Variants in PNKD observed in about 807,000 individuals in gnomAD.
The protein encoded by PNKD is probable thioesterase PNKD.
In PNKD, 36 loss-of-function variants were observed where a neutral mutation model predicts 45.3. The observed-to-expected ratio is 0.80, with a 90% CI of 0.61 to 1.05. The LOEUF (loss-of-function observed/expected upper bound fraction) is 1.05. Among genes scored for constraint, PNKD ranks in the 50% least tolerant of loss-of-function variants. PNKD has a pLI of 0.00. For synonymous variants in PNKD, 197 were observed against 210.1 expected (o/e 0.94, Z 0.54); for missense variants, 511 against 506.6 (o/e 1.01, Z -0.08).
chr2:218,298,220 C>T (rs950434351), intron 2 of PNKD, among the ~76,000 whole-genome samples: 3 of 152,086 alleles, frequency 2.0e-5, no homozygotes, highest in Non-Finnish European at 2.9e-5. Context: ...GCAGGGCCAG[C>T]GAAATGCTTT....
At chr2:218,280,149 T>A (rs754484658) in intron 2 of PNKD, 38 of 1,568,282 alleles carry the variant, frequency 2.4e-5, no homozygotes, top group Non-Finnish European at 3.3e-5. Flanking sequence ...GACACTTGAC[T>A]CAGCTGGGGA....
rs543051037 is a variant in PNKD at position 218,321,342 on chromosome 2, T to C, written c.237-18441T>C. Among the ~76,000 whole-genome samples the C allele has an allele frequency of 3.9e-5, 6 of 152,230 alleles. No homozygotes were observed. The South Asian group carries it at 1.2e-3, about 32-fold the overall frequency. The stretch of plus-strand genomic sequence containing the variant: ...TACAAGGGTCATCTGCAAATTGGCT[T>C]ATCAGTTTTCTCACTCCTCTGTCTC... On this transcript the variant is annotated intron_variant, in intron 2 of 9. Transcript: ENST00000273077.
chr2:218,278,431 T>C (rs189950312), intron 2 of PNKD: 7 of 1,382,646 alleles, frequency 5.1e-6, no homozygotes, highest in Admixed American at 1.7e-5. Context: ...TCAGCTGCTA[T>C]AAAGGAATCC....
chr2:218,342,102 TCCTGCCTCTTCTCAGGGGA>T lies in PNKD; in HGVS notation c.745_763del (p.Leu249SerfsTer18). ...GGATGGGGAGCCCTACAAGGGTCCC[TCCTGCCTCTTCTCAGGGGA>T]CCTGCTCTTCCTCTCTGGCTGTGGT... On this transcript the variant is annotated frameshift_variant, in exon 7 of 10. Coordinates refer to ENST00000273077, the MANE Select transcript of PNKD (RefSeq NM_015488.5). LOFTEE classifies it high-confidence loss of function. 1 of 1,613,488 alleles carries T rather than the reference TCCTGCCTCTTCTCAGGGGA, an allele frequency of 6.2e-7. No individual in the cohort carries two copies. Among genetic ancestry groups the T allele is most frequent in the Admixed American group, 1.7e-5 (1 of 60,020 alleles).
At chr2:218,331,757 C>T (rs568581301) in intron 2 of PNKD, among the ~76,000 whole-genome samples, 15 of 152,270 alleles carry the variant, frequency 9.9e-5, no homozygotes, top group East Asian at 1.9e-4. Flanking sequence ...CGTGAGCCAC[C>T]GCGCCCAGCC....
At chr2:218,280,223 G>A in intron 2 of PNKD, 1 of 891,388 alleles carries the variant, frequency 1.1e-6, no homozygotes, top group Non-Finnish European at 1.9e-6. Context: ...GGGATCTCCA[G>A]CCAAAAGACA....
At chr2:218,308,322 G>A (rs1354558574) in intron 2 of PNKD, among the ~76,000 whole-genome samples, 1 of 149,302 alleles carries the variant, frequency 6.7e-6, no homozygotes, top group East Asian at 2.0e-4. Context: ...GAGTAGCTGG[G>A]ATGATTCAGG....
chr2:218,335,035 C>G (rs1694446902), intron 2 of PNKD, among the ~76,000 whole-genome samples: 1 of 151,872 alleles, frequency 6.6e-6, no homozygotes, highest in African/African-American at 2.4e-5. Context: ...GCCTGTAGTC[C>G]CAGCTACTCG....
intron 2 of PNKD, among the ~76,000 whole-genome samples, chr2:218,329,315 G>A (rs1329696671): frequency 6.6e-6 from 1 of 152,206 alleles, no homozygotes; most frequent in Non-Finnish European, 1.5e-5. Context: ...AGCTCAGGGA[G>A]CATGATCGAA....
chr2:218,340,004 G>A lies in PNKD; in HGVS notation c.353-25G>A, dbSNP rs539917940. 7.3e-5 allele frequency: 111 copies of A among 1,528,354 alleles called. No individual in the cohort carries two copies. The highest frequency in any genetic ancestry group is 6.8e-4 in the Middle Eastern group (4 of 5,862). 94.7% of individuals were successfully genotyped at this position (1,528,354 alleles called of 1,614,324 possible). On this transcript the variant is annotated intron_variant, in intron 3 of 9. Transcript: ENST00000273077. This position sits in a 1 kb window ranked among gnomAD's most constrained non-coding sequence, Gnocchi z 4.2. The stretch of plus-strand genomic sequence containing the variant: ...CCCTGGGCTCCCTGCCTGTTACCCC[G>A]CCCACAGCCCATCTCTGTCCCCAGG...
chr2:218,330,345 G>A (rs960855617), intron 2 of PNKD, among the ~76,000 whole-genome samples: 21 of 152,186 alleles, frequency 1.4e-4, no homozygotes, highest in Non-Finnish European at 2.8e-4. Context: ...GCTTCATTGT[G>A]TGTTTTCCAC....
chr2:218,272,627 C>G (rs747237517), intron 2 of PNKD: 3 of 1,614,134 alleles, frequency 1.9e-6, no homozygotes, highest in African/African-American at 1.3e-5. Flanking sequence ...GGGAAGTGGA[C>G]AAGGACCGTG....
At chr2:218,272,992 G>A in intron 2 of PNKD, 1 of 1,321,626 alleles carries the variant, frequency 7.6e-7, no homozygotes, top group Non-Finnish European at 1.0e-6. Context: ...GGGGCAGAGG[G>A]TGGGGCTGGT....
chr2:218,278,214 T>G, intron 2 of PNKD: 1 of 606,114 alleles, frequency 1.6e-6, no homozygotes, highest in East Asian at 2.8e-5. Context: ...ACTCTTAAAC[T>G]GACTGCCTGT....
chr2:218,307,975 G>T (rs1693470390), intron 2 of PNKD, among the ~76,000 whole-genome samples: 1 of 152,208 alleles, frequency 6.6e-6, no homozygotes, highest in South Asian at 2.1e-4. Flanking sequence ...CAGGGGCCCA[G>T]TTGAGTGGCC....
intron 2 of PNKD, chr2:218,272,789 T>C (rs1365536048): frequency 2.5e-6 from 4 of 1,613,844 alleles, no homozygotes; most frequent in Non-Finnish European, 3.4e-6. Flanking sequence ...CCTAGGCTAT[T>C]GACTGTTAAG....
intron 2 of PNKD, chr2:218,275,994 G>T: frequency 6.2e-7 from 1 of 1,601,092 alleles, no homozygotes; most frequent in Non-Finnish European, 8.5e-7. Flanking sequence ...CATCCCCTCA[G>T]CTCCCCTTCC....
chr2:218,277,499 T>C lies in PNKD; in HGVS notation c.236+5950T>C, dbSNP rs201608914. 5 of 1,610,170 alleles carry C rather than the reference T, an allele frequency of 3.1e-6. No individual in the cohort carries two copies. The Admixed American group carries it at 6.7e-5, about 21-fold the overall frequency. ...CAGACAAGAGGCATTAAGCCACGTA[T>C]GAATGACTTCAAAATCACCACTTCC... On this transcript the variant is annotated intron_variant, in intron 2 of 9. Transcript: ENST00000273077.
rs1316712262 is a variant in PNKD at position 218,345,729 on chromosome 2, C to G, written c.*748C>G. The G allele has an allele frequency of 6.6e-6, 1 of 152,502 alleles. No individual in the cohort carries two copies. Among genetic ancestry groups the G allele is most frequent in the Non-Finnish European group, 1.5e-5 (1 of 68,156 alleles). The allele number at this position is 152,502 out of a possible 1,614,324, so 9.4% of individuals were successfully genotyped here. ...CCCACAGTCTTGCAGGTCACATGCT[C>G]TCCTTGCACATCTGGCCTGGTTGTA... On this transcript the variant is annotated 3_prime_UTR_variant, in exon 10 of 10. Coordinates refer to ENST00000273077, the MANE Select transcript of PNKD (RefSeq NM_015488.5).
Sources: gnomAD v4.1 joint callset for allele counts (sites outside exome capture counted in the v4.1 genomes callset) on GRCh38, gnomAD v4.1.1 for gene constraint, Gnocchi (gnomAD v3.1) non-coding constraint, MANE v1.5 for transcripts, NCBI Gene and HGNC (gene_info 2026-07-23, HGNC 2026-07-21) for gene names.